AP4S1: variants seen among roughly 807,000 people sequenced by gnomAD.
The protein encoded by AP4S1 is adaptor related protein complex 4 subunit sigma 1.
In AP4S1, 23 loss-of-function variants were observed where a neutral mutation model predicts 19.8. That is an observed-to-expected ratio of 1.16 (90% CI 0.84 to 1.65). The LOEUF is 1.65. Among genes scored for constraint, AP4S1 ranks in the 40% most tolerant of loss-of-function variants. The pLI is 0.00. For missense variants in AP4S1, 166 were observed against 172.8 expected (o/e 0.96, Z 0.22); for synonymous variants, 46 against 54.1 (o/e 0.85, Z 0.66).
chr14:31,079,897 C>G (rs943880715), intron 4 of AP4S1, among the ~76,000 whole-genome samples: 5 of 78,232 alleles, frequency 6.4e-5, no homozygotes, highest in African/African-American at 2.0e-4. Context: ...GTAAGCCCAT[C>G]AGTTACTGAT....
chr14:31,030,190 G>C (rs1439761822), intron 1 of AP4S1, among the ~76,000 whole-genome samples: 3 of 152,042 alleles, frequency 2.0e-5, no homozygotes, highest in Non-Finnish European at 4.4e-5. Flanking sequence ...TTTTCGCCAT[G>C]TTGCACAGGC....
intron 5 of AP4S1, among the ~76,000 whole-genome samples, chr14:31,088,878 C>A (rs899909748): frequency 1.3e-4 from 19 of 150,752 alleles, no homozygotes; most frequent in African/African-American, 4.6e-4. Context: ...TGAACAGGGC[C>A]GGGCACAGTG....
intron 1 of AP4S1, among the ~76,000 whole-genome samples, chr14:31,045,265 A>G (rs1885330713): frequency 6.6e-6 from 1 of 152,124 alleles, no homozygotes; most frequent in Non-Finnish European, 1.5e-5. Flanking sequence ...ATTTTTATGA[A>G]CCGTTTTACC....
At chr14:31,043,152 C>T (rs1019774957) in intron 1 of AP4S1, among the ~76,000 whole-genome samples, 2 of 150,636 alleles carry the variant, frequency 1.3e-5, no homozygotes, top group Admixed American at 1.3e-4. Context: ...ACTCGGGAGG[C>T]GGAAGTTGCA....
chr14:31,087,458 G>T (rs969490405), intron 5 of AP4S1, among the ~76,000 whole-genome samples: 13 of 152,148 alleles, frequency 8.5e-5, no homozygotes, highest in African/African-American at 3.1e-4. Flanking sequence ...CCACGTTCAG[G>T]TTATCCTCCT....
At chr14:31,079,200 C>T (rs530405607) in intron 4 of AP4S1, among the ~76,000 whole-genome samples, 1 of 152,176 alleles carries the variant, frequency 6.6e-6, no homozygotes, top group Non-Finnish European at 1.5e-5. Flanking sequence ...GAACTTAATT[C>T]TCTTTGCTTT....
At chr14:31,026,292 G>C in intron 1 of AP4S1, 1 of 1,237,920 alleles carries the variant, frequency 8.1e-7, no homozygotes, top group Non-Finnish European at 1.0e-6. Flanking sequence ...GGCCGGGAGA[G>C]GGGCGGGGAA....
At chr14:31,088,116 G>C (rs1051912134) in intron 5 of AP4S1, among the ~76,000 whole-genome samples, 11 of 152,116 alleles carry the variant, frequency 7.2e-5, no homozygotes, top group Admixed American at 5.2e-4. Flanking sequence ...CCAGGATTCA[G>C]CCAGTAGCCC....
At position 31,095,542 on chromosome 14, in the gene AP4S1, G is replaced by A. The variant is rs1186803939; in HGVS notation, c.*2507G>A. On this transcript the variant is annotated 3_prime_UTR_variant, in exon 6 of 6. Transcript: ENST00000542754. ...GGTGCTCCTCCCACCTCAGCCTCCT[G>A]AGTAACTGGGACCACAGGTGCGCAC... 5.3e-5 allele frequency: 8 copies of A among 152,268 alleles called. No individual in the cohort carries two copies. In the East Asian group the frequency reaches 1.5e-3, roughly 29 times the overall value. The allele number at this position is 152,268 out of a possible 1,614,324, so 9.4% of individuals were successfully genotyped here.
At chr14:31,069,447 C>T (rs527517836) in intron 2 of AP4S1, among the ~76,000 whole-genome samples, 1 of 152,142 alleles carries the variant, frequency 6.6e-6, no homozygotes, top group Non-Finnish European at 1.5e-5. Context: ...CTGAGAATAT[C>T]TAATTGCTTC....
At chr14:31,063,563 T>C (rs1195801582) in intron 1 of AP4S1, among the ~76,000 whole-genome samples, 1 of 152,152 alleles carries the variant, frequency 6.6e-6, no homozygotes, top group East Asian at 1.9e-4. Flanking sequence ...AAGGCTATAG[T>C]GAGCCATGAT....
At chr14:31,025,889 A>ACCC in intron 1 of AP4S1, 102 bp downstream of exon 1, 1 of 1,594,054 alleles carries the variant, frequency 6.3e-7, no homozygotes, top group African/African-American at 1.4e-5. Context: ...CCGCACACCG[A>ACCC]CCCCAACGAG....
chr14:31,025,739 G>C lies in AP4S1; in HGVS notation c.-120G>C. On this transcript the variant is annotated 5_prime_UTR_variant, in exon 1 of 6. Coordinates refer to ENST00000542754, the MANE Select transcript of AP4S1 (RefSeq NM_001128126.3). ...AGCTTATGCGGGAAAGAGGGAGGGG[G>C]ACTCCAGGAAAAGCCGTTGAGAGGA... 1 of 916,470 alleles carries C rather than the reference G, an allele frequency of 1.1e-6. No homozygotes were observed. The highest frequency in any genetic ancestry group is 1.7e-5 in the African/African-American group (1 of 58,232). 56.8% of individuals were successfully genotyped at this position (916,470 alleles called of 1,614,324 possible). A position where few individuals can be genotyped will look rare whatever the true frequency, so the allele number is the denominator to read the frequency against.
intron 1 of AP4S1, among the ~76,000 whole-genome samples, chr14:31,041,108 A>G (rs577635356): frequency 1.3e-4 from 19 of 151,096 alleles, no homozygotes; most frequent in Non-Finnish European, 2.4e-4. Flanking sequence ...AATTAAATGT[A>G]TCAGAATCCA....
At chr14:31,064,979 T>C (rs1162605783) in intron 1 of AP4S1, among the ~76,000 whole-genome samples, 1 of 152,002 alleles carries the variant, frequency 6.6e-6, no homozygotes, top group Non-Finnish European at 1.5e-5. Flanking sequence ...ATAACAGAAG[T>C]ACCTACCTCA....
intron 1 of AP4S1, among the ~76,000 whole-genome samples, chr14:31,051,294 A>G (rs1000187141): frequency 4.6e-5 from 7 of 152,076 alleles, no homozygotes; most frequent in Admixed American, 1.3e-4. Flanking sequence ...ATGCTGGACA[A>G]AGGGGATATT....
At chr14:31,056,397 C>T (rs572663668) in intron 1 of AP4S1, among the ~76,000 whole-genome samples, 10 of 149,380 alleles carry the variant, frequency 6.7e-5, no homozygotes, top group African/African-American at 2.2e-4. Context: ...TCACTCTTGT[C>T]GCCCAGGCTG....
chr14:31,056,857 A>C (rs1422313214), intron 1 of AP4S1, among the ~76,000 whole-genome samples: 1 of 152,152 alleles, frequency 6.6e-6, no homozygotes, highest in Non-Finnish European at 1.5e-5. Flanking sequence ...CGTGTGAATC[A>C]CTTAAGTCCA....
At chr14:31,045,952 A>G (rs1466852028) in intron 1 of AP4S1, among the ~76,000 whole-genome samples, 2 of 146,872 alleles carry the variant, frequency 1.4e-5, no homozygotes, top group Non-Finnish European at 3.0e-5. Context: ...GGAAAGGGAA[A>G]GAAGGAGCTA....
Sources: allele counts gnomAD v4.1 joint callset (sites outside exome capture counted in the v4.1 genomes callset), GRCh38; gene constraint gnomAD v4.1.1; transcripts MANE v1.5; gene names NCBI Gene and HGNC (gene_info 2026-07-23, HGNC 2026-07-21).